SOX5: variants seen among roughly 807,000 people sequenced by gnomAD.
SOX5 encodes the protein transcription factor SOX-5.
SOX5 carries 9 observed loss-of-function variants against 92.0 expected under a neutral mutation model. The ratio of observed to expected loss-of-function variants is 0.10; its 90% CI spans 0.06 to 0.17. The LOEUF is 0.17. Ranked by LOEUF, SOX5 falls within the 10% of genes least tolerant of loss-of-function variation. The pLI is 1.00. For synonymous variants in SOX5, 344 were observed against 336.3 expected (o/e 1.02, Z -0.25); for missense variants, 642 against 944.5 (o/e 0.68, Z 4.20).
chr12:24,155,148 G>C (rs771248972), intron 4 of SOX5, among the ~76,000 whole-genome samples: 5 of 152,066 alleles, frequency 3.3e-5, no homozygotes, highest in Non-Finnish European at 5.9e-5. Context: ...AATATTTGAA[G>C]AGTGAATATA....
rs140603432 is a variant in SOX5, at chr12:23,850,299, C to T, written c.271-4106G>A. Among the ~76,000 whole-genome samples, 44 of 151,602 alleles carry T rather than the reference C, an allele frequency of 2.9e-4. No individual in the cohort carries two copies. The Middle Eastern group carries it at 0.01, about 35-fold the overall frequency. ...CAAAAATTAGCTGGGCGTGGTGGCG[C>T]GCACCTGTAATCCCGGCTACTCTGG... is the stretch of plus-strand genomic sequence containing the variant. On this transcript the variant is annotated intron_variant, in intron 2 of 14. Transcript: ENST00000451604.
At chr12:23,690,595 T>G (rs2140021397) in intron 6 of SOX5, among the ~76,000 whole-genome samples, 1 of 152,196 alleles carries the variant, frequency 6.6e-6, no homozygotes, top group Non-Finnish European at 1.5e-5. Flanking sequence ...CTTTTTTCAC[T>G]CAGCCACCAG....
chr12:24,354,708 C>T (rs553702439), intron 2 of SOX5, among the ~76,000 whole-genome samples: 94 of 152,288 alleles, frequency 6.2e-4, no homozygotes, highest in African/African-American at 2.0e-3. Flanking sequence ...GGAAAGGTGA[C>T]CATTGGTCTC....
chr12:24,079,158 A>T (rs1019873362), intron 4 of SOX5, among the ~76,000 whole-genome samples: 1 of 151,864 alleles, frequency 6.6e-6, no homozygotes, highest in African/African-American at 2.4e-5. Context: ...AGAGAAAAAA[A>T]AGTAGGGTGG....
Position 24,553,028 on chromosome 12 carries a change from T to G in SOX5, c.-251+9301A>C, listed in dbSNP as rs143365265. On this transcript the variant is annotated intron_variant, in intron 1 of 4. Transcript: ENST00000446891. ...GCCTGGGTAACAGAGTGAGAACTTGTCTCAAAAAATAAGAAAAAGTATAAA... is the reference window on the plus strand; with the variant it reads ...GCCTGGGTAACAGAGTGAGAACTTGGCTCAAAAAATAAGAAAAAGTATAAA... Among the ~76,000 whole-genome samples the G allele has an allele frequency of 7.4e-4, 113 of 152,228 alleles. 1 individual carries two copies. The East Asian group carries it at 0.019, about 26-fold the overall frequency.
At chr12:23,962,806 C>A (rs1229649046) in intron 4 of SOX5, among the ~76,000 whole-genome samples, 2 of 152,086 alleles carry the variant, frequency 1.3e-5, no homozygotes, top group Non-Finnish European at 2.9e-5. Flanking sequence ...CCATTTACAT[C>A]TCTTTGTTGA....
chr12:23,743,725 T>C (rs2093884364), intron 4 of SOX5, among the ~76,000 whole-genome samples: 1 of 152,308 alleles, frequency 6.6e-6, no homozygotes, highest in Middle Eastern at 3.4e-3. Flanking sequence ...CACCTACAGT[T>C]GGTCCTGCAA....
intron 4 of SOX5, among the ~76,000 whole-genome samples, chr12:24,091,805 A>C (rs1944688637): frequency 6.6e-6 from 1 of 152,088 alleles, no homozygotes; most frequent in Non-Finnish European, 1.5e-5. Context: ...GGGGTCATCT[A>C]GCCATTTCTA....
At chr12:23,950,843 A>G (rs1237550708), upstream of SOX5, 8 of 1,533,862 alleles carry the variant, frequency 5.2e-6, no homozygotes, top group Non-Finnish European at 6.1e-6. Flanking sequence ...ACAGAGGCAC[A>G]TACACACAGA....
intron 2 of SOX5, among the ~76,000 whole-genome samples, chr12:23,862,856 A>G (rs2096770804): frequency 6.6e-6 from 1 of 152,192 alleles, no homozygotes. Flanking sequence ...TTCCAAATTC[A>G]TTCATTCAAA....
At chr12:24,474,104 T>C (rs980034872) in intron 1 of SOX5, among the ~76,000 whole-genome samples, 31 of 152,178 alleles carry the variant, frequency 2.0e-4, no homozygotes, top group Non-Finnish European at 3.5e-4. Flanking sequence ...TCTTAAGGAC[T>C]AAATACCTGG....
intron 6 of SOX5, 136 bp from the exon 7 acceptor site, chr12:23,665,700 G>A: frequency 1.0e-6 from 1 of 977,714 alleles, no homozygotes; most frequent in Middle Eastern, 2.2e-4. Flanking sequence ...CTGGGATACT[G>A]GGCTTGAGGA....
At chr12:23,636,012 C>T (rs2079188055) in intron 8 of SOX5, among the ~76,000 whole-genome samples, 1 of 152,086 alleles carries the variant, frequency 6.6e-6, no homozygotes, top group African/African-American at 2.4e-5. Flanking sequence ...AGTCTAGGGA[C>T]AAGGCATACA....
upstream of SOX5, among the ~76,000 whole-genome samples, chr12:23,955,684 T>C (rs1325787538): frequency 1.3e-5 from 2 of 152,068 alleles, no homozygotes; most frequent in Non-Finnish European, 1.5e-5. Context: ...TGTTCGCTTA[T>C]GAAGATGAAA....
chr12:24,311,814 T>G (rs1204033953), intron 2 of SOX5, among the ~76,000 whole-genome samples: 1 of 152,192 alleles, frequency 6.6e-6, no homozygotes, highest in South Asian at 2.1e-4. Flanking sequence ...AAGTGTCTAT[T>G]TGCCTCCTTT....
intron 6 of SOX5, among the ~76,000 whole-genome samples, chr12:23,712,402 C>G (rs775205040): frequency 1.3e-5 from 2 of 152,128 alleles, no homozygotes; most frequent in Non-Finnish European, 2.9e-5. Context: ...GGATTAGGTA[C>G]AAACGAGTCT....
chr12:23,921,558 T>C (rs1938286895), intron 1 of SOX5, among the ~76,000 whole-genome samples: 1 of 152,208 alleles, frequency 6.6e-6, no homozygotes, highest in South Asian at 2.1e-4. Context: ...AGTTATTTTC[T>C]GTTTCACTTG....
At chr12:24,353,219 A>C (rs1218427948) in intron 2 of SOX5, among the ~76,000 whole-genome samples, 2 of 152,220 alleles carry the variant, frequency 1.3e-5, no homozygotes, top group East Asian at 3.9e-4. Flanking sequence ...GTGTCAAGAC[A>C]GGAATGTGAC....
At position 23,740,979 on chromosome 12, in the gene SOX5, G is replaced by A; in HGVS notation, c.629C>T (p.Thr210Ile). 6.2e-7 allele frequency: 1 copy of A among 1,612,458 alleles called. No individual in the cohort carries two copies. The highest frequency in any genetic ancestry group is 1.1e-5 in the South Asian group (1 of 90,932). Reference sequence around the variant, plus strand: ...AGCCAACAGCTGCTCTCGGAGGCTGGTCAGCTGGTTGATCATACCCATGAG... The same window carrying A: ...AGCCAACAGCTGCTCTCGGAGGCTGATCAGCTGGTTGATCATACCCATGAG... ...RQLMGMINQL[T>I]SLREQLLAAH... Residue 210 changes from threonine (T) to isoleucine (I), a missense_variant, in exon 5 of 15, where the codon ACC becomes ATC. Transcript: ENST00000451604.
Sources: gnomAD v4.1 joint callset for allele counts (sites outside exome capture counted in the v4.1 genomes callset) on GRCh38, gnomAD v4.1.1 for gene constraint, MANE v1.5 for transcripts, NCBI Gene and HGNC (gene_info 2026-07-23, HGNC 2026-07-21) for gene names.